Variants in TECPR2 observed in about 807,000 individuals in gnomAD.
TECPR2 encodes the protein tectonin beta-propeller repeat-containing protein 2.
In TECPR2, 65 loss-of-function variants were observed where a neutral mutation model predicts 138.1. That is an observed-to-expected ratio of 0.47 (90% confidence interval 0.39 to 0.58). The LOEUF is 0.58. Ranked by LOEUF, TECPR2 falls within the 20% of genes least tolerant of loss-of-function variation. The pLI is 0.00. For missense variants in TECPR2, 1,553 were observed against 1,824.5 expected (o/e 0.85, Z 2.71); for synonymous variants, 746 against 749.8 (o/e 0.99, Z 0.08).
At chr14:102,364,635 G>C (rs534031625) in intron 1 of TECPR2, among the ~76,000 whole-genome samples, 1 of 152,344 alleles carries the variant, frequency 6.6e-6, no homozygotes, top group East Asian at 1.9e-4. Context: ...TTAGGCATCA[G>C]CTATATTATA....
At chr14:102,364,471 C>G (rs1430717611) in intron 1 of TECPR2, among the ~76,000 whole-genome samples, 2 of 152,168 alleles carry the variant, frequency 1.3e-5, no homozygotes, top group Non-Finnish European at 2.9e-5. Context: ...TCAGAAAGAT[C>G]ATGGTCTGGC....
intron 6 of TECPR2, among the ~76,000 whole-genome samples, chr14:102,426,481 G>C (rs576404450): frequency 6.6e-6 from 1 of 152,126 alleles, no homozygotes; most frequent in Non-Finnish European, 1.5e-5. Flanking sequence ...TCCTGTTCAC[G>C]TTCTTCCATT....
intron 16 of TECPR2, among the ~76,000 whole-genome samples, chr14:102,462,767 A>C (rs1434108439): frequency 6.6e-6 from 1 of 152,244 alleles, no homozygotes; most frequent in Non-Finnish European, 1.5e-5. Flanking sequence ...ACTATTAAGA[A>C]AATGAAAAAG....
chr14:102,453,249 G>T (rs1460991778), intron 16 of TECPR2, among the ~76,000 whole-genome samples: 1 of 152,152 alleles, frequency 6.6e-6, no homozygotes, highest in Non-Finnish European at 1.5e-5. Context: ...GCTGAGGTGG[G>T]TGGATCACCT....
At chr14:102,457,633 A>G (rs1890306619) in intron 16 of TECPR2, among the ~76,000 whole-genome samples, 1 of 151,908 alleles carries the variant, frequency 6.6e-6, no homozygotes, top group South Asian at 2.1e-4. Flanking sequence ...AGTGGCTTAC[A>G]CCTGTAATCC....
chr14:102,432,543 G>A (rs1023176770), intron 8 of TECPR2, among the ~76,000 whole-genome samples: 7 of 151,918 alleles, frequency 4.6e-5, no homozygotes, highest in Admixed American at 2.0e-4. Context: ...TCAGCCTCCC[G>A]AGTATGCATG....
At chr14:102,383,405 G>GT (rs1416795129) in intron 2 of TECPR2, among the ~76,000 whole-genome samples, 55 of 149,382 alleles carry the variant, frequency 3.7e-4, no homozygotes, top group Non-Finnish European at 4.6e-4. Flanking sequence ...TGTCTTTTTT[G>GT]TTTTTTTTGT....
chr14:102,456,659 G>A (rs1013620897), intron 16 of TECPR2, among the ~76,000 whole-genome samples: 3 of 149,678 alleles, frequency 2.0e-5, no homozygotes, highest in Non-Finnish European at 3.0e-5. Context: ...GCGCAATCTC[G>A]GCTCCCTGCA....
chr14:102,425,763 A>T (rs1159570766), intron 6 of TECPR2, among the ~76,000 whole-genome samples: 1 of 150,994 alleles, frequency 6.6e-6, no homozygotes, highest in East Asian at 1.9e-4. Flanking sequence ...TTTAGTAGAG[A>T]CAGGGTTTCA....
chr14:102,364,498 G>A (rs1887287316), intron 1 of TECPR2, among the ~76,000 whole-genome samples: 1 of 151,498 alleles, frequency 6.6e-6, no homozygotes, highest in South Asian at 2.1e-4. Context: ...ACTTTAAAAG[G>A]GAGAACTAAG....
At chr14:102,474,814 A>C (rs1890724180) in intron 17 of TECPR2, among the ~76,000 whole-genome samples, 1 of 152,018 alleles carries the variant, frequency 6.6e-6, no homozygotes, top group Non-Finnish European at 1.5e-5. Flanking sequence ...AGCCCATATA[A>C]ATCTGAACCC....
At chr14:102,439,639 T>C (rs1889775963) in intron 10 of TECPR2, among the ~76,000 whole-genome samples, 1 of 152,228 alleles carries the variant, frequency 6.6e-6, no homozygotes. Context: ...GCGGGAACTC[T>C]GTATCTCCAT....
At chr14:102,489,354 C>T (rs1891107290) in intron 17 of TECPR2, among the ~76,000 whole-genome samples, 1 of 151,936 alleles carries the variant, frequency 6.6e-6, no homozygotes, top group African/African-American at 2.4e-5. Flanking sequence ...CGCGGTGGCT[C>T]ACACCTGTAA....
intron 9 of TECPR2, among the ~76,000 whole-genome samples, chr14:102,436,780 G>T (rs1889681444): frequency 6.6e-6 from 1 of 152,222 alleles, no homozygotes; most frequent in Admixed American, 6.5e-5. Flanking sequence ...TTGAGGGGGA[G>T]CCAGGTACAT....
In TECPR2 at chr14:102,425,273, C is replaced by T. The variant is rs374689078; in HGVS notation, c.933C>T (p.Leu311=). 49 of 1,592,674 alleles carry T rather than the reference C, an allele frequency of 3.1e-5. No homozygotes were observed. The highest frequency in any genetic ancestry group is 4.1e-5 in the Non-Finnish European group (48 of 1,167,402). ...GTTGGAATGAATATAGTATCTATCTCCTAGACACAGTCAACCAGGTAAGTG... is the reference window on the plus strand; with the variant it reads ...GTTGGAATGAATATAGTATCTATCTTCTAGACACAGTCAACCAGGTAAGTG... ...VLSWNEYSIY[L]LDTVNQATVA... is the part of the protein sequence containing the mutation. Residue 311 remains leucine (L), a synonymous_variant, in exon 6 of 20, where the codon CTC becomes CTT. Coordinates refer to ENST00000359520, the MANE Select transcript of TECPR2 (RefSeq NM_014844.5).
intron 16 of TECPR2, among the ~76,000 whole-genome samples, chr14:102,463,794 C>T (rs552095887): frequency 6.6e-6 from 1 of 151,030 alleles, no homozygotes. Flanking sequence ...CGTGGTGGCA[C>T]GCGCCTGTAA....
At chr14:102,463,267 A>C (rs919867449) in intron 16 of TECPR2, among the ~76,000 whole-genome samples, 2 of 151,942 alleles carry the variant, frequency 1.3e-5, no homozygotes, top group East Asian at 3.9e-4. Context: ...AAATACAAAA[A>C]TTAGCTGGAC....
At chr14:102,445,783 C>T (rs1323173208) in intron 12 of TECPR2, 23 bp from the exon 13 acceptor site, 1 of 1,611,980 alleles carries the variant, frequency 6.2e-7, no homozygotes, top group Non-Finnish European at 8.5e-7. Flanking sequence ...TGCTGACCCC[C>T]CTGTTCTCCT....
At chr14:102,445,500 A>T (rs1889949815) in intron 12 of TECPR2, among the ~76,000 whole-genome samples, 1 of 151,996 alleles carries the variant, frequency 6.6e-6, no homozygotes, top group African/African-American at 2.4e-5. Context: ...GGAGGCGCTC[A>T]GGGGCCTTGG....
Sources: gnomAD v4.1 joint callset for allele counts (sites outside exome capture counted in the v4.1 genomes callset) on GRCh38, gnomAD v4.1.1 for gene constraint, MANE v1.5 for transcripts, NCBI Gene and HGNC (gene_info 2026-07-23, HGNC 2026-07-21) for gene names.